The following CIT variants were observed in gnomAD, a reference collection of about 807,000 sequenced individuals.
CIT encodes citron rho-interacting serine/threonine kinase, also known as citron Rho-interacting kinase.
In CIT, 79 loss-of-function variants were observed where a neutral mutation model predicts 272.7. The observed-to-expected ratio is 0.29, with a 90% CI of 0.24 to 0.35. CIT has a LOEUF of 0.35. CIT is among the 10% of genes least tolerant of loss of function. The pLI is 1.00. For missense variants in CIT, 1,909 were observed against 2,618.3 expected (o/e 0.73, Z 5.91); for synonymous variants, 948 against 995.6 (o/e 0.95, Z 0.90).
chr12:119,796,356 T>C (rs1369201844), intron 10 of CIT, among the ~76,000 whole-genome samples: 1 of 152,154 alleles, frequency 6.6e-6, no homozygotes, highest in East Asian at 1.9e-4. Context: ...GAGTCCATGA[T>C]GGGTGCCAAT....
intron 9 of CIT, among the ~76,000 whole-genome samples, chr12:119,807,196 A>C (rs1966661416): frequency 6.6e-6 from 1 of 152,258 alleles, no homozygotes; most frequent in East Asian, 1.9e-4. Flanking sequence ...GCATTTGTGT[A>C]CAATGCAACA....
intron 3 of CIT, among the ~76,000 whole-genome samples, chr12:119,862,495 A>G (rs529864463): frequency 3.0e-4 from 45 of 152,090 alleles, no homozygotes; most frequent in Admixed American, 6.6e-4. Context: ...TCATGTTGAA[A>G]TGTAATCCCC....
intron 41 of CIT, 58 bp downstream of exon 41, chr12:119,704,305 C>G (rs1019491454): frequency 5.3e-6 from 8 of 1,512,188 alleles, no homozygotes; most frequent in South Asian, 2.3e-5. Flanking sequence ...CACACTGGCT[C>G]GCTGAGAGAG....
intron 43 of CIT, among the ~76,000 whole-genome samples, chr12:119,701,277 A>T (rs1388765211): frequency 2.7e-5 from 4 of 146,938 alleles, no homozygotes; most frequent in African/African-American, 1.0e-4. Flanking sequence ...AAAAGAAAGA[A>T]TGCAACAAAG....
chr12:119,876,729 AG>A (rs1950860566), intron 1 of CIT, among the ~76,000 whole-genome samples: 1 of 152,126 alleles, frequency 6.6e-6, no homozygotes, highest in African/African-American at 2.4e-5. Flanking sequence ...GGGGAAAGAA[AG>A]ACATCCGTGG....
Position 119,711,020 on chromosome 12 carries a change from C to A in CIT, c.4855-400G>T, listed in dbSNP as rs370250419. Reference sequence around the variant, plus strand: ...AAGTGCAAAGGCGCCGTGTTAGCAGCGAGCCAGCACGCCTCTGCATCTCTT... The same window carrying A: ...AAGTGCAAAGGCGCCGTGTTAGCAGAGAGCCAGCACGCCTCTGCATCTCTT... On this transcript the variant is annotated intron_variant, in intron 37 of 47. Transcript: ENST00000392521. 10 of 1,367,090 alleles carry A rather than the reference C, an allele frequency of 7.3e-6. No individual in the cohort carries two copies. The African/African-American group carries it at 1.5e-4, about 20-fold the overall frequency. The allele number at this position is 1,367,090 out of a possible 1,614,324, so 84.7% of individuals were successfully genotyped here. A position where few individuals can be genotyped will look rare whatever the true frequency, so the allele number is the denominator to read the frequency against.
chr12:119,783,478 A>G (rs1964491130), intron 12 of CIT: 1 of 153,628 alleles, frequency 6.5e-6, no homozygotes, highest in African/African-American at 2.4e-5. Context: ...TTTTCTTGTC[A>G]CTACACTGGT....
At chr12:119,845,728 G>A (rs570457771) in intron 5 of CIT, among the ~76,000 whole-genome samples, 35 of 150,516 alleles carry the variant, frequency 2.3e-4, no homozygotes, top group Non-Finnish European at 5.0e-4. Context: ...AAGGTGGGCG[G>A]ATCACAAGGT....
chr12:119,850,784 C>A (rs185086186), intron 4 of CIT, among the ~76,000 whole-genome samples: 1 of 152,284 alleles, frequency 6.6e-6, no homozygotes, highest in East Asian at 1.9e-4. Flanking sequence ...ACAGTGCCGT[C>A]CCAAGCAACG....
chr12:119,689,533 AT>A (rs112621548), intron 47 of CIT, among the ~76,000 whole-genome samples: 2,074 of 152,306 alleles, frequency 0.014, 35 homozygotes, highest in African/African-American at 0.046. Context: ...TACGCACAGA[AT>A]ATCTCTAGAA....
intron 28 of CIT, among the ~76,000 whole-genome samples, chr12:119,726,249 C>T (rs1161860492): frequency 6.6e-6 from 1 of 151,960 alleles, no homozygotes; most frequent in Non-Finnish European, 1.5e-5. Context: ...GACAGGCTCT[C>T]ACTCTGTCAC....
intron 44 of CIT, 25 bp downstream of exon 44, chr12:119,700,718 GAA>G (rs1565904004): frequency 6.7e-7 from 1 of 1,485,026 alleles, no homozygotes; most frequent in Admixed American, 1.7e-5. Flanking sequence ...TGGCAAAAGA[GAA>G]GCCCCCACAC....
rs374062053 is a variant in CIT at position 119,698,733 on chromosome 12, G to A, written c.5624-679C>T. On this transcript the variant is annotated intron_variant, in intron 44 of 47. Transcript: ENST00000392521. ...AAAAGCAAGGTTCAGAATCATGTGG[G>A]AAGTATTCTGCCTTACTGATTTTTA... 2.7e-4 allele frequency among the ~76,000 whole-genome samples: 41 copies of A among 152,298 alleles called. No individual in the cohort carries two copies. The East Asian group carries it at 6.9e-3, about 26-fold the overall frequency.
At chr12:119,859,987 T>A (rs1458573303) in intron 3 of CIT, among the ~76,000 whole-genome samples, 1 of 152,096 alleles carries the variant, frequency 6.6e-6, no homozygotes, top group Non-Finnish European at 1.5e-5. Flanking sequence ...GGCTAATTTT[T>A]AAAATTTTTT....
intron 40 of CIT, among the ~76,000 whole-genome samples, chr12:119,707,207 C>T (rs1286358682): frequency 6.6e-6 from 1 of 152,154 alleles, no homozygotes; most frequent in Non-Finnish European, 1.5e-5. Flanking sequence ...TGCAAACACA[C>T]TTATTTTTAA....
rs562565322 is a variant in CIT, at chr12:119,746,607, A to G, written c.2905-4143T>C. Among the ~76,000 whole-genome samples, 7 of 152,358 alleles carry G rather than the reference A, an allele frequency of 4.6e-5. No individual in the cohort carries two copies. The South Asian group carries it at 6.2e-4, about 14-fold the overall frequency. On this transcript the variant is annotated intron_variant, in intron 23 of 47. Coordinates refer to ENST00000392521, the MANE Select transcript of CIT (RefSeq NM_001206999.2). ...GCAAAGTTTCAAATAACACAGCACC[A>G]TTAAAAACTCATTTAACTCTCCCAC...
In CIT at chr12:119,708,298, G is replaced by A; in HGVS notation, c.5092C>T (p.Leu1698Phe). Residue 1698 changes from leucine (L) to phenylalanine (F), a missense_variant, in exon 40 of 48, where the codon CTT (leucine) becomes TTT (phenylalanine). Leu to Phe is a conservative substitution (Grantham distance 22, BLOSUM62 0). This residue lies in a region of CIT where 780 missense variants were observed against 1,067.2 expected (regional missense o/e 0.73). Coordinates refer to ENST00000392521, the MANE Select transcript of CIT (RefSeq NM_001206999.2). ...MIAGEERALC[L>F]VDVKKVKQSL... Reference sequence around the variant, plus strand: ...TGTTTCACTTTCTTCACGTCCACAAGACACAGTGCCCGCTCTTCTCCTGAA... The same window carrying A: ...TGTTTCACTTTCTTCACGTCCACAAAACACAGTGCCCGCTCTTCTCCTGAA... 1 of 1,600,962 alleles carries A rather than the reference G, an allele frequency of 6.2e-7. No homozygotes were observed. Among genetic ancestry groups the A allele is most frequent in the Non-Finnish European group, 8.5e-7 (1 of 1,174,096 alleles).
chr12:119,746,791 C>CA (rs1371880319), intron 23 of CIT, among the ~76,000 whole-genome samples: 1 of 152,128 alleles, frequency 6.6e-6, no homozygotes, highest in Non-Finnish European at 1.5e-5. Flanking sequence ...AATATAAACA[C>CA]AAAATGTAGA....
At chr12:119,827,129 T>G (rs954227144) in intron 7 of CIT, among the ~76,000 whole-genome samples, 3 of 152,136 alleles carry the variant, frequency 2.0e-5, no homozygotes, top group Non-Finnish European at 4.4e-5. Flanking sequence ...GTCCACCGGT[T>G]TGGGCAATAA....
Sources: allele counts gnomAD v4.1 joint callset (sites outside exome capture counted in the v4.1 genomes callset), GRCh38; gene constraint gnomAD v4.1.1; regional missense constraint gnomAD v4.1.1; transcripts MANE v1.5; gene names NCBI Gene and HGNC (gene_info 2026-07-23, HGNC 2026-07-21).